Variants in GAP43 observed in about 807,000 individuals in gnomAD.
The protein encoded by GAP43 is growth associated protein 43.
Under a neutral mutation model 18.6 loss-of-function variants are expected in GAP43, and 6 were observed. The ratio of observed to expected loss-of-function variants is 0.32; its 90% CI spans 0.18 to 0.64. GAP43 has a LOEUF of 0.64. Ranked by LOEUF, GAP43 falls within the 30% of genes least tolerant of loss-of-function variation. GAP43 has a pLI of 0.78. For synonymous variants in GAP43, 115 were observed against 111.4 expected, an observed-to-expected ratio of 1.03 and a Z score of -0.20; for missense variants, 292 against 295.5, an observed-to-expected ratio of 0.99 and a Z score of 0.09.
chr3:115,719,802 G>C (rs954118283), intron 2 of GAP43, among the ~76,000 whole-genome samples: 3 of 152,134 alleles, frequency 2.0e-5, no homozygotes, highest in Admixed American at 2.0e-4. Context: ...GGTGGTCTTG[G>C]GGGACACTGA....
chr3:115,701,217 G>T (rs574258104), intron 2 of GAP43, among the ~76,000 whole-genome samples: 1 of 152,188 alleles, frequency 6.6e-6, no homozygotes, highest in East Asian at 1.9e-4. Flanking sequence ...GTTAAGATAT[G>T]ACTCTATTCG....
intron 1 of GAP43, among the ~76,000 whole-genome samples, chr3:115,661,708 T>C (rs1708661383): frequency 6.6e-6 from 1 of 151,974 alleles, no homozygotes; most frequent in South Asian, 2.1e-4. Flanking sequence ...CAGGATGGTC[T>C]CGATCTCCTG....
At chr3:115,643,377 G>A (rs548820681) in intron 1 of GAP43, among the ~76,000 whole-genome samples, 31 of 152,058 alleles carry the variant, frequency 2.0e-4, no homozygotes, top group African/African-American at 7.5e-4. Flanking sequence ...CCTAATTTTT[G>A]AGCCTGTTTC....
chr3:115,674,527 T>A (rs747251332), intron 1 of GAP43, among the ~76,000 whole-genome samples: 1 of 152,228 alleles, frequency 6.6e-6, no homozygotes, highest in African/African-American at 2.4e-5. Flanking sequence ...GCTAGTCTCT[T>A]GTCTTTAGTA....
intron 1 of GAP43, among the ~76,000 whole-genome samples, chr3:115,636,546 T>C (rs1005562387): frequency 1.1e-4 from 16 of 152,028 alleles, no homozygotes; most frequent in Non-Finnish European, 1.9e-4. Flanking sequence ...GAAGAGAAAA[T>C]AGTCACTCAT....
intron 2 of GAP43, among the ~76,000 whole-genome samples, chr3:115,701,822 C>G (rs1177421525): frequency 1.3e-5 from 2 of 152,124 alleles, no homozygotes; most frequent in African/African-American, 4.8e-5. Context: ...TTGGCTATTA[C>G]TGGTTCCATG....
chr3:115,630,593 C>G (rs1173339725), intron 1 of GAP43, among the ~76,000 whole-genome samples: 2 of 152,160 alleles, frequency 1.3e-5, no homozygotes, highest in Non-Finnish European at 2.9e-5. Context: ...TTGAGAACAG[C>G]AGAAAGACTA....
In GAP43 at chr3:115,696,294, C is replaced by T. The variant is rs563550587; in HGVS notation, c.628+19684C>T. The stretch of plus-strand genomic sequence containing the variant: ...ATGACAAGTCCATCATTTCCTGATA[C>T]TTAGGCCATATGCCTTAAAATTATT... On this transcript the variant is annotated intron_variant, in intron 2 of 2. Transcript: ENST00000305124. 1.0e-3 allele frequency among the ~76,000 whole-genome samples: 154 copies of T among 152,288 alleles called. 1 individual carries two copies. The highest frequency in any genetic ancestry group is 3.6e-3 in the African/African-American group (150 of 41,570).
chr3:115,629,798 C>T (rs2107464448), intron 1 of GAP43, among the ~76,000 whole-genome samples: 1 of 152,086 alleles, frequency 6.6e-6, no homozygotes, highest in South Asian at 2.1e-4. Flanking sequence ...AATATGGAAC[C>T]AGGTTTATAG....
intron 2 of GAP43, among the ~76,000 whole-genome samples, chr3:115,678,906 C>T (rs1304681196): frequency 6.7e-6 from 1 of 150,020 alleles, no homozygotes; most frequent in African/African-American, 2.5e-5. Context: ...AGTAGCCTTG[C>T]CTGCTCTTAT....
At chr3:115,713,710 C>T (rs372315782) in intron 2 of GAP43, among the ~76,000 whole-genome samples, 85 of 152,342 alleles carry the variant, frequency 5.6e-4, no homozygotes, top group Middle Eastern at 3.4e-3. Flanking sequence ...ATACATCTTT[C>T]AAGGACCACT....
chr3:115,705,507 T>C (rs1709351166), intron 2 of GAP43, among the ~76,000 whole-genome samples: 1 of 152,184 alleles, frequency 6.6e-6, no homozygotes, highest in Non-Finnish European at 1.5e-5. Flanking sequence ...TGAAAGATAG[T>C]TGGTTAACTT....
chr3:115,663,476 G>A, intron 1 of GAP43: 1 of 1,114,238 alleles, frequency 9.0e-7, no homozygotes. Context: ...TCTTCTCCCA[G>A]TATTGCTTTC....
chr3:115,640,540 A>G (rs1423593064), intron 1 of GAP43, among the ~76,000 whole-genome samples: 1 of 152,112 alleles, frequency 6.6e-6, no homozygotes, highest in East Asian at 1.9e-4. Flanking sequence ...GACAGAGTGG[A>G]AAACCATTTC....
chr3:115,698,160 T>C (rs1709236716), intron 2 of GAP43, among the ~76,000 whole-genome samples: 1 of 57,448 alleles, frequency 1.7e-5, no homozygotes, highest in South Asian at 3.6e-4. Flanking sequence ...ATATATAATA[T>C]ATAAAATATA....
At chr3:115,675,910 C>A in intron 1 of GAP43, 103 bp from the exon 2 acceptor site, 1 of 1,490,594 alleles carries the variant, frequency 6.7e-7, no homozygotes, top group Non-Finnish European at 9.0e-7. Flanking sequence ...AAAACAGTGC[C>A]TGGCACAAAA....
intron 1 of GAP43, among the ~76,000 whole-genome samples, chr3:115,624,978 T>C (rs1419011800): frequency 6.6e-6 from 1 of 151,732 alleles, no homozygotes; most frequent in Non-Finnish European, 1.5e-5. Context: ...GTGCAAGAGA[T>C]GGAATTTGGG....
At chr3:115,702,521 A>T (rs979355049) in intron 2 of GAP43, among the ~76,000 whole-genome samples, 1 of 152,160 alleles carries the variant, frequency 6.6e-6, no homozygotes, top group African/African-American at 2.4e-5. Flanking sequence ...TATTTTAAGA[A>T]GGTGTCAAAG....
At chr3:115,679,982 C>T (rs1022152853) in intron 2 of GAP43, among the ~76,000 whole-genome samples, 2 of 152,126 alleles carry the variant, frequency 1.3e-5, no homozygotes, top group African/African-American at 2.4e-5. Flanking sequence ...TTCCTATTGC[C>T]ATTCCCTGAA....
Sources: gnomAD v4.1 joint callset for allele counts (sites outside exome capture counted in the v4.1 genomes callset) on GRCh38, gnomAD v4.1.1 for gene constraint, MANE v1.5 for transcripts, NCBI Gene and HGNC (gene_info 2026-07-23, HGNC 2026-07-21) for gene names.